Variants in PPFIBP1 observed in about 807,000 individuals in gnomAD.
The protein encoded by PPFIBP1 is PPFIB scaffold protein 1, also known as liprin-beta-1.
PPFIBP1 carries 112 observed loss-of-function variants against 137.8 expected under a neutral mutation model. That is an observed-to-expected ratio of 0.81 (90% CI 0.70 to 0.95). The LOEUF is 0.95. Among genes scored for constraint, PPFIBP1 ranks in the 40% least tolerant of loss-of-function variants. The pLI, the probability that PPFIBP1 is intolerant of heterozygous loss-of-function variation, is 0.00. For synonymous variants in PPFIBP1, 378 were observed against 417.3 expected (o/e 0.91, Z 1.15); for missense variants, 1,083 against 1,196.6 (o/e 0.91, Z 1.40).
intron 2 of PPFIBP1, among the ~76,000 whole-genome samples, chr12:27,598,317 A>G (rs1323188788): frequency 6.6e-6 from 1 of 152,188 alleles, no homozygotes; most frequent in East Asian, 1.9e-4. Flanking sequence ...ACATGGTGGC[A>G]GGCAAGAGAG....
intron 2 of PPFIBP1, among the ~76,000 whole-genome samples, chr12:27,583,506 G>T (rs906268341): frequency 6.6e-6 from 1 of 152,108 alleles, no homozygotes; most frequent in African/African-American, 2.4e-5. Flanking sequence ...TATTTGCTTA[G>T]AAGAGTGGGA....
Position 27,678,880 on chromosome 12 carries a change from A to AG in PPFIBP1, c.1616-609_1616-608insG, listed in dbSNP as rs1261448846. Among the ~76,000 whole-genome samples, 4 of 136,726 alleles carry AG rather than the reference A, an allele frequency of 2.9e-5. No individual in the cohort carries two copies. In the East Asian group the frequency reaches 6.4e-4, roughly 22 times the overall value. 89.7% of individuals were successfully genotyped at this position (136,726 alleles called of 152,430 possible). A position where few individuals can be genotyped will look rare whatever the true frequency, so the allele number is the denominator to read the frequency against. On this transcript the variant is annotated intron_variant, in intron 19 of 29. Transcript: ENST00000228425. ...TCAAAAAAAAAAAAAAAAAAAAAAAAACATTTAAGAGAGAAAAAGACTCTC... is the reference window on the plus strand; with the variant it reads ...TCAAAAAAAAAAAAAAAAAAAAAAAAGACATTTAAGAGAGAAAAAGACTCTC...
chr12:27,675,494 G>A (rs532909791), intron 17 of PPFIBP1, among the ~76,000 whole-genome samples: 1 of 152,010 alleles, frequency 6.6e-6, no homozygotes, highest in Admixed American at 6.6e-5. Flanking sequence ...CAGAGGGCAA[G>A]AATTATTTCT....
intron 17 of PPFIBP1, among the ~76,000 whole-genome samples, chr12:27,674,987 TTTC>T (rs1171929896): frequency 6.6e-6 from 1 of 151,324 alleles, no homozygotes; most frequent in African/African-American, 2.4e-5. Context: ...TGTTTTTTTT[TTTC>T]GTTTGTTTTT....
chr12:27,679,759 T>C, intron 20 of PPFIBP1, 120 bp downstream of exon 20: 1 of 1,402,010 alleles, frequency 7.1e-7, no homozygotes, highest in Non-Finnish European at 9.7e-7. Flanking sequence ...AAGTTTGGAT[T>C]GTGATGTGGG....
At position 27,633,420 on chromosome 12, in the gene PPFIBP1, G is replaced by A. The variant is rs774932006; in HGVS notation, c.24G>A (p.Met8Ile). The A allele has an allele frequency of 2.5e-6, 4 of 1,613,394 alleles. No homozygotes were observed. Among genetic ancestry groups the A allele is most frequent in the African/African-American group, 1.3e-5 (1 of 74,894 alleles). MMSDASD[M>I]LAAALEQMDG... ...AAATGATGAGTGATGCAAGTGACAT[G>A]TTGGCTGCAGCGTTGGAGCAGATGG... Residue 8 changes from methionine (M) to isoleucine (I), a missense_variant, in exon 3 of 30, where the codon ATG becomes ATA. Physicochemically the swap from Met to Ile is conservative, Grantham distance 10 (BLOSUM62 1). Transcript: ENST00000228425.
Position 27,655,201 on chromosome 12 carries a change from A to G in PPFIBP1, c.696+387A>G, listed in dbSNP as rs1280040412. 5 of 1,535,864 alleles carry G rather than the reference A, an allele frequency of 3.3e-6. No individual in the cohort carries two copies. In the Admixed American group the frequency reaches 7.8e-5, roughly 24 times the overall value. On this transcript the variant is annotated intron_variant, in intron 8 of 29. Transcript: ENST00000228425. ...AAGGTGGGTCAGATGCAGTATGAAA[A>G]GCAGCGGATGGAACAAAAATGGGAG...
chr12:27,572,404 A>G (rs1184678960), intron 1 of PPFIBP1, among the ~76,000 whole-genome samples: 1 of 152,238 alleles, frequency 6.6e-6, no homozygotes, highest in South Asian at 2.1e-4. Context: ...CAAAATTTTC[A>G]AAGAATGACA....
intron 1 of PPFIBP1, among the ~76,000 whole-genome samples, chr12:27,569,509 A>ACCT (rs2136622818): frequency 6.6e-6 from 1 of 152,134 alleles, no homozygotes; most frequent in South Asian, 2.1e-4. Context: ...CCTCATTCTC[A>ACCT]CATGTTCCTA....
At chr12:27,690,650 A>G (rs1050328860) in intron 27 of PPFIBP1, among the ~76,000 whole-genome samples, 3 of 152,248 alleles carry the variant, frequency 2.0e-5, no homozygotes, top group Non-Finnish European at 4.4e-5. Context: ...ATTGGCTTCC[A>G]TAATCCATGT....
At chr12:27,634,029 G>T (rs1014812922) in intron 3 of PPFIBP1, among the ~76,000 whole-genome samples, 3 of 151,212 alleles carry the variant, frequency 2.0e-5, no homozygotes, top group Admixed American at 1.3e-4. Flanking sequence ...TAGAGACAGG[G>T]TTTCACCATC....
chr12:27,553,514 A>G (rs1052979196), intron 1 of PPFIBP1, among the ~76,000 whole-genome samples: 8 of 152,146 alleles, frequency 5.3e-5, no homozygotes, highest in Admixed American at 2.0e-4. Context: ...TTCTCCTTCA[A>G]TAGCTTTGAA....
At chr12:27,662,044 G>C (rs562005228) in intron 11 of PPFIBP1, among the ~76,000 whole-genome samples, 1 of 152,044 alleles carries the variant, frequency 6.6e-6, no homozygotes, top group East Asian at 1.9e-4. Context: ...AGTGTTGAAT[G>C]AGGGCTTATG....
At chr12:27,616,090 G>C (rs1033326854) in intron 2 of PPFIBP1, among the ~76,000 whole-genome samples, 1 of 151,612 alleles carries the variant, frequency 6.6e-6, no homozygotes, top group South Asian at 2.1e-4. Context: ...TCTTTTTTCC[G>C]TTCTCAATTC....
chr12:27,652,456 G>A (rs8181707), intron 7 of PPFIBP1, among the ~76,000 whole-genome samples: 8,143 of 152,240 alleles, frequency 0.053, 348 homozygotes, highest in South Asian at 0.21. Flanking sequence ...TTTTTTAAAA[G>A]GACTGAACTT....
At position 27,687,410 on chromosome 12, in the gene PPFIBP1, T is replaced by G; in HGVS notation, c.2273T>G (p.Val758Gly). ...TVDDLLSLKV[V>G]SVLHHLSIKR... ...GATGACTTACTGTCTCTGAAGGTTGTAAGTGTGCTACACCATCTCAGTATC... is the reference window on the plus strand; with the variant it reads ...GATGACTTACTGTCTCTGAAGGTTGGAAGTGTGCTACACCATCTCAGTATC... Residue 758 changes from valine (V) to glycine (G), a missense_variant, in exon 25 of 30, where the codon GTA becomes GGA. By Grantham distance (109) the Val-to-Gly change is moderately radical (BLOSUM62 -3). Coordinates refer to ENST00000228425, the MANE Select transcript of PPFIBP1 (RefSeq NM_003622.4). 6.2e-7 allele frequency: 1 copy of G among 1,613,970 alleles called. No homozygotes were observed. The highest frequency in any genetic ancestry group is 8.5e-7 in the Non-Finnish European group (1 of 1,179,882).
rs575662968 is a variant in PPFIBP1, at chr12:27,547,010, A to G, written c.-124+22645A>G. 38 of 152,450 alleles carry G rather than the reference A, an allele frequency of 2.5e-4. No homozygotes were observed. The South Asian group carries it at 7.3e-3, about 29-fold the overall frequency. The allele number at this position is 152,450 out of a possible 1,614,324, so 9.4% of individuals were successfully genotyped here. ...GAGTGAGACCCTGCCTCAAAAAACA[A>G]AAACAAATAACCAGTTTGGAATGTT... On this transcript the variant is annotated intron_variant, in intron 1 of 29. Transcript: ENST00000228425.
At chr12:27,667,078 C>T (rs953555477) in intron 12 of PPFIBP1, 88 bp from the exon 13 acceptor site, 22 of 1,297,234 alleles carry the variant, frequency 1.7e-5, no homozygotes, top group South Asian at 1.0e-4. Context: ...ATTTTATATT[C>T]GTTATAATTG....
intron 2 of PPFIBP1, chr12:27,584,519 AAATTTTAGCAGGTGGGCC>A (rs1189224933): frequency 6.6e-6 from 1 of 152,242 alleles, no homozygotes; most frequent in Non-Finnish European, 1.5e-5. Context: ...GGTTGCAAGC[AAATTTTAGCAGGTGGGCC>A]AATTCACATG....
Sources: gnomAD v4.1 joint callset for allele counts (sites outside exome capture counted in the v4.1 genomes callset) on GRCh38, gnomAD v4.1.1 for gene constraint, MANE v1.5 for transcripts, NCBI Gene and HGNC (gene_info 2026-07-23, HGNC 2026-07-21) for gene names.